Variants in MAST2 observed in about 807,000 individuals in gnomAD.
MAST2 encodes microtubule associated serine/threonine kinase 2, also known as microtubule-associated serine/threonine-protein kinase 2.
A neutral mutation model predicts 147.4 loss-of-function variants in MAST2; 70 were observed. The ratio of observed to expected loss-of-function variants is 0.47; its 90% confidence interval spans 0.39 to 0.58. The LOEUF (loss-of-function observed/expected upper bound fraction) is 0.58, where lower values mean the gene tolerates loss of function less well. MAST2 is among the 20% of genes least tolerant of loss of function. The pLI is 0.00. For synonymous variants in MAST2, 869 were observed against 896.8 expected, an observed-to-expected ratio of 0.97 and a Z score of 0.55; for missense variants, 2,080 against 2,302.3, an observed-to-expected ratio of 0.90 and a Z score of 1.98.
In MAST2 at chr1:46,034,738, G is replaced by T. The variant is rs1322737315; in HGVS notation, c.4069G>T (p.Ala1357Ser). Reference sequence around the variant, plus strand: ...CACCCCTTCTCCCCCACCCCCAACAGCTTCACCTCAGCGGTCCCCATCGCC... The same window carrying T: ...CACCCCTTCTCCCCCACCCCCAACATCTTCACCTCAGCGGTCCCCATCGCC... ...AHTPSPPPPT[A>S]SPQRSPSPLS... The change falls in exon 29 of 29, where the codon GCT (alanine) becomes TCT (serine). Residue 1357 changes from alanine (A) to serine (S), a missense_variant. By Grantham distance (99) the Ala-to-Ser change is moderately conservative. This residue lies in a region of MAST2 where 1,278 missense variants were observed against 1,304.2 expected (regional missense o/e 0.98). Coordinates refer to ENST00000361297, the MANE Select transcript of MAST2 (RefSeq NM_015112.3). The T allele has an allele frequency of 1.2e-6, 2 of 1,613,798 alleles. No homozygotes were observed. The highest frequency in any genetic ancestry group is 1.7e-6 in the Non-Finnish European group (2 of 1,179,972).
rs1646478103 is a variant in MAST2 at position 46,027,795 on chromosome 1, A to G, written c.1984A>G (p.Met662Val). 3 of 1,614,080 alleles carry G rather than the reference A, an allele frequency of 1.9e-6. No individual in the cohort carries two copies. Among genetic ancestry groups the G allele is most frequent in the East Asian group, 2.2e-5 (1 of 44,902 alleles). The change falls in exon 17 of 29, where the codon ATG becomes GTG. Residue 662 changes from methionine to valine, a missense_variant. Coordinates refer to ENST00000361297, the MANE Select transcript of MAST2 (RefSeq NM_015112.3). ...TDFGLSKIGL[M>V]SLTTNLYEGH... ...CTTTGGACTGTCCAAAATTGGCCTC[A>G]TGAGTCTGACAACGAACTTGTATGA... is the stretch of plus-strand genomic sequence containing the variant.
At chr1:45,988,556 T>A (rs1274978298) in intron 5 of MAST2, among the ~76,000 whole-genome samples, 1 of 152,230 alleles carries the variant, frequency 6.6e-6, no homozygotes, top group East Asian at 1.9e-4. Flanking sequence ...AAAGAATGTA[T>A]ATTAGTACTG....
At chr1:45,903,248 G>C (rs1650104709) in intron 4 of MAST2, among the ~76,000 whole-genome samples, 1 of 144,242 alleles carries the variant, frequency 6.9e-6, no homozygotes, top group Admixed American at 7.4e-5. Context: ...TTCTGCCTCA[G>C]CCTCTTGAGT....
At chr1:45,862,474 G>A (rs1489320232) in intron 3 of MAST2, among the ~76,000 whole-genome samples, 2 of 150,662 alleles carry the variant, frequency 1.3e-5, no homozygotes, top group East Asian at 3.9e-4. Context: ...TTTTTAGATA[G>A]TGAGGACTGA....
Position 46,031,520 on chromosome 1 carries a change from C to T in MAST2, c.3122C>T (p.Ala1041Val), listed in dbSNP as rs1472399905. Reference sequence around the variant, plus strand: ...GGGGACTCAACAGAGAAGCGCACTGCTCGCCCTGTCAACAAAGTGATCAAG... The same window carrying T: ...GGGGACTCAACAGAGAAGCGCACTGTTCGCCCTGTCAACAAAGTGATCAAG... The part of the protein sequence containing the change: ...LSGDSTEKRT[A>V]RPVNKVIKSA... The change falls in exon 24 of 29, where the codon GCT becomes GTT. Residue 1041 changes from alanine to valine, a missense_variant. By Grantham distance (64) the Ala-to-Val change is moderately conservative (BLOSUM62 0). This residue lies in a region of MAST2 where 1,278 missense variants were observed against 1,304.2 expected (regional missense o/e 0.98). Transcript: ENST00000361297. This position sits in a 1 kb window ranked among gnomAD's most constrained non-coding sequence, Gnocchi z 4.1. 6.2e-7 allele frequency: 1 copy of T among 1,614,202 alleles called. No homozygotes were observed. Among genetic ancestry groups the T allele is most frequent in the Admixed American group, 1.7e-5 (1 of 60,030 alleles).
intron 1 of MAST2, among the ~76,000 whole-genome samples, chr1:45,807,563 A>G (rs1331770566): frequency 6.7e-6 from 1 of 148,702 alleles, no homozygotes; most frequent in Non-Finnish European, 1.5e-5. Flanking sequence ...TTTTTTTGAG[A>G]CAGGGTCTCA....
chr1:45,970,079 A>G (rs945039295), intron 5 of MAST2, among the ~76,000 whole-genome samples: 4 of 152,202 alleles, frequency 2.6e-5, no homozygotes, highest in African/African-American at 9.7e-5. Context: ...TGCAAACAAA[A>G]TAGTTTCTCC....
intron 4 of MAST2, among the ~76,000 whole-genome samples, chr1:45,942,544 G>C (rs948751645): frequency 1.3e-5 from 2 of 152,072 alleles, no homozygotes; most frequent in Non-Finnish European, 2.9e-5. Context: ...TAGGTTTGGG[G>C]TACATATGCA....
At position 45,911,851 on chromosome 1, in the gene MAST2, TTATATTA is replaced by T. The variant is rs1411950471; in HGVS notation, c.500+29458_500+29464del. On this transcript the variant is annotated intron_variant, in intron 4 of 28. Coordinates refer to ENST00000361297, the MANE Select transcript of MAST2 (RefSeq NM_015112.3). ...TGCTGTTATGTCATTATTATTATTG[TTATATTA>T]TTATTATTATTATTATTATTATTAT... Among the ~76,000 whole-genome samples, 240 of 132,032 alleles carry T rather than the reference TTATATTA, an allele frequency of 1.8e-3. 2 individuals are homozygous for T. The highest frequency in any genetic ancestry group is 6.7e-3 in the African/African-American group (223 of 33,074). The allele number at this position is 132,032 out of a possible 152,430, so 86.6% of individuals were successfully genotyped here.
At chr1:46,033,974 C>G in intron 27 of MAST2, 36 bp downstream of exon 27, 1 of 1,612,102 alleles carries the variant, frequency 6.2e-7, no homozygotes, top group Non-Finnish European at 8.5e-7. Context: ...TTTCTCTGAG[C>G]CACATGAGTG....
At chr1:45,892,999 A>T (rs1000398535) in intron 4 of MAST2, among the ~76,000 whole-genome samples, 3 of 152,186 alleles carry the variant, frequency 2.0e-5, no homozygotes, top group African/African-American at 4.8e-5. Flanking sequence ...TTATACAGAC[A>T]CCAAAAACAT....
chr1:46,034,768 T>C lies in MAST2; in HGVS notation c.4099T>C (p.Ser1367Pro). The C allele has an allele frequency of 6.2e-7, 1 of 1,613,884 alleles. No individual in the cohort carries two copies. The highest frequency in any genetic ancestry group is 8.5e-7 in the Non-Finnish European group (1 of 1,179,986). ...ACCTCAGCGGTCCCCATCGCCCCTG[T>C]CTGGCCATGTAGCCCAGGCCTTTCC... ...ASPQRSPSPL[S>P]GHVAQAFPTK... The change falls in exon 29 of 29, where the codon TCT (serine) becomes CCT (proline). Residue 1367 changes from serine to proline, a missense_variant. Transcript: ENST00000361297.
At chr1:45,831,185 A>C (rs890916165) in intron 3 of MAST2, among the ~76,000 whole-genome samples, 10 of 152,070 alleles carry the variant, frequency 6.6e-5, no homozygotes, top group African/African-American at 2.4e-4. Flanking sequence ...TTTTGTACCA[A>C]AGGCACCCAC....
At chr1:45,856,859 G>A (rs1645807697) in intron 3 of MAST2, among the ~76,000 whole-genome samples, 1 of 152,028 alleles carries the variant, frequency 6.6e-6, no homozygotes, top group East Asian at 1.9e-4. Context: ...AGCTGGGGAG[G>A]AGATGTGCAT....
chr1:45,882,239 T>G, intron 3 of MAST2, 125 bp from the exon 4 acceptor site: 2 of 573,826 alleles, frequency 3.5e-6, no homozygotes, highest in East Asian at 6.4e-5. Context: ...GAAAAAGTTG[T>G]TATTTAGAAA....
intron 3 of MAST2, among the ~76,000 whole-genome samples, chr1:45,843,379 C>A (rs948077139): frequency 6.6e-6 from 1 of 152,118 alleles, no homozygotes; most frequent in Admixed American, 6.5e-5. Context: ...TCTGTGTTTT[C>A]TTCTATGAAT....
chr1:46,028,052 A>G (rs1646491992), intron 17 of MAST2, among the ~76,000 whole-genome samples, 189 bp downstream of exon 17: 1 of 152,200 alleles, frequency 6.6e-6, no homozygotes, highest in Non-Finnish European at 1.5e-5. Flanking sequence ...GCCCTAGAAT[A>G]AGGCCTTGGG....
intron 5 of MAST2, among the ~76,000 whole-genome samples, chr1:45,969,604 A>G (rs1643827481): frequency 6.6e-6 from 1 of 151,706 alleles, no homozygotes; most frequent in Non-Finnish European, 1.5e-5. Context: ...TTCTTATTAG[A>G]ATCTAATGCC....
At chr1:45,959,751 C>A (rs1660140682) in intron 5 of MAST2, among the ~76,000 whole-genome samples, 1 of 152,014 alleles carries the variant, frequency 6.6e-6, no homozygotes, top group South Asian at 2.1e-4. Context: ...GGCCTCTGTT[C>A]TAGTGTGTTC....
Sources: gnomAD v4.1 joint callset for allele counts (sites outside exome capture counted in the v4.1 genomes callset) on GRCh38, gnomAD v4.1.1 for gene constraint, gnomAD v4.1.1 regional missense constraint, Gnocchi (gnomAD v3.1) non-coding constraint, MANE v1.5 for transcripts, NCBI Gene and HGNC (gene_info 2026-07-23, HGNC 2026-07-21) for gene names.